The following MTAP variants were observed in gnomAD, a reference collection of about 807,000 sequenced individuals.
The protein encoded by MTAP is S-methyl-5'-thioadenosine phosphorylase.
A neutral mutation model predicts 33.6 loss-of-function variants in MTAP; 33 were observed. That is an observed-to-expected ratio of 0.98 (90% CI 0.74 to 1.31). The LOEUF is 1.31. MTAP is among the 40% of genes most tolerant of loss of function. The probability of loss-of-function intolerance (pLI) is 0.00; values close to 1 mark genes in which losing one functional copy is unlikely to be tolerated. For missense variants in MTAP, 367 were observed against 360.0 expected (o/e 1.02, Z -0.16); for synonymous variants, 148 against 125.7 (o/e 1.18, Z -1.19).
chr9:21,841,410 G>T (rs534933780), intron 5 of MTAP, among the ~76,000 whole-genome samples: 1 of 152,324 alleles, frequency 6.6e-6, no homozygotes, highest in South Asian at 2.1e-4. Flanking sequence ...CAACATCCTG[G>T]CTAACCAGAG....
At chr9:21,870,843 G>A (rs1825925031), downstream of MTAP, among the ~76,000 whole-genome samples, 1 of 145,364 alleles carries the variant, frequency 6.9e-6, no homozygotes, top group Admixed American at 7.2e-5. Flanking sequence ...GCATGATCTC[G>A]GCTCACTGCA....
downstream of MTAP, chr9:21,935,507 G>A (rs571110665): frequency 6.6e-6 from 1 of 151,742 alleles, no homozygotes; most frequent in Admixed American, 6.6e-5. Context: ...ATAAATTCCA[G>A]GAGCATGAAC....
intron 1 of MTAP, chr9:21,803,500 ATTTCCTTGTGCCCTAGGCCCTG>A (rs1824123320): frequency 6.6e-6 from 1 of 152,218 alleles, no homozygotes; most frequent in Admixed American, 6.5e-5. Context: ...TTAGAGTTCA[ATTTCCTTGTGCCCTAGGCCCTG>A]AGAGGCCTTG....
intron 4 of MTAP, among the ~76,000 whole-genome samples, chr9:21,828,804 C>T (rs1386816592): frequency 6.6e-6 from 1 of 152,056 alleles, no homozygotes; most frequent in Non-Finnish European, 1.5e-5. Flanking sequence ...TTAATTTTAC[C>T]TGTTTCTCTT....
downstream of MTAP, chr9:21,934,756 A>G (rs1819016573): frequency 1.3e-5 from 2 of 151,404 alleles, no homozygotes; most frequent in East Asian, 3.9e-4. The surrounding 1 kb of genome is among the most constrained non-coding windows in gnomAD (Gnocchi z 5.0). Context: ...GCTGGAATGC[A>G]GTGGCACAAT....
chr9:21,916,102 A>AGGAAGGAAGGAAGGAAGGAAGGAGGGAG, intron 1 of MTAP, among the ~76,000 whole-genome samples: 1 of 149,420 alleles, frequency 6.7e-6, no homozygotes, highest in Non-Finnish European at 1.5e-5. Flanking sequence ...GAAGGAAGGA[A>AGGAAGGAAGGAAGGAAGGAAGGAGGGAG]GGAAGGAAGG....
intron 4 of MTAP, among the ~76,000 whole-genome samples, chr9:21,826,872 T>C (rs574675578): frequency 1.8e-3 from 269 of 151,930 alleles, no homozygotes; most frequent in Non-Finnish European, 3.4e-3. Context: ...CCACCTGAGC[T>C]CCCCATCCTG....
chr9:21,927,336 G>A lies in MTAP; in HGVS notation c.148-3672G>A, dbSNP rs182650151. ...AGGCCCTCAAAATCACAATGGGACA[G>A]TCGGTCAGGCTCCTGACATTCCAAC... is the stretch of plus-strand genomic sequence containing the variant. On this transcript the variant is annotated intron_variant, in intron 1 of 1. Coordinates refer to the MTAP transcript ENST00000577563. 5.3e-4 allele frequency among the ~76,000 whole-genome samples: 81 copies of A among 152,290 alleles called. 1 individual carries two copies. Among genetic ancestry groups the A allele is most frequent in the African/African-American group, 1.8e-3 (75 of 41,562 alleles).
chr9:21,913,486 CCAT>C (rs1346848986), intron 1 of MTAP, among the ~76,000 whole-genome samples: 8 of 151,572 alleles, frequency 5.3e-5, no homozygotes, highest in African/African-American at 1.7e-4. Flanking sequence ...ACATCTACAA[CCAT>C]CTGATCTTTG....
Position 21,862,856 on chromosome 9 carries a change from TC to T in MTAP, c.*843del. The stretch of plus-strand genomic sequence containing the variant: ...AGGGATACTGGGATAATTTTTATTT[TC>T]TTTGAATCTTTCTGTGTCTTCACAT... On this transcript the variant is annotated 3_prime_UTR_variant, in exon 8 of 8. Transcript: ENST00000644715. 1 of 726,814 alleles carries T rather than the reference TC, an allele frequency of 1.4e-6. No individual in the cohort carries two copies. Among genetic ancestry groups the T allele is most frequent in the Non-Finnish European group, 1.7e-6 (1 of 595,386 alleles). The allele number at this position is 726,814 out of a possible 1,614,324, so 45.0% of individuals were successfully genotyped here.
intron 1 of MTAP, among the ~76,000 whole-genome samples, chr9:21,804,320 G>A (rs553865282): frequency 6.6e-6 from 1 of 152,328 alleles, no homozygotes; most frequent in Non-Finnish European, 1.5e-5. Flanking sequence ...CACTTCAAGC[G>A]CCATTAAAAA....
intron 1 of MTAP, among the ~76,000 whole-genome samples, chr9:21,884,152 T>G (rs1215835619): frequency 6.6e-6 from 1 of 152,154 alleles, no homozygotes; most frequent in East Asian, 1.9e-4. Context: ...CTATTATTAG[T>G]TGTAGACCAT....
At chr9:21,821,632 G>A (rs932307067) in intron 4 of MTAP, among the ~76,000 whole-genome samples, 3 of 152,116 alleles carry the variant, frequency 2.0e-5, no homozygotes, top group African/African-American at 7.2e-5. Context: ...GGATGATGCT[G>A]GCCTCATAAA....
chr9:21,806,916 C>T (rs558509240), intron 1 of MTAP, among the ~76,000 whole-genome samples: 1 of 152,278 alleles, frequency 6.6e-6, no homozygotes, highest in South Asian at 2.1e-4. Context: ...GTAATCCCAA[C>T]ACTTTGGGAG....
Position 21,931,167 on chromosome 9 carries a change from C to T in MTAP, c.307C>T (p.Gln103Ter). Residue 103 changes from glutamine to a stop codon, truncating the protein, a stop_gained, in exon 2 of 2, where the codon CAA becomes TAA. Coordinates refer to the MTAP transcript ENST00000577563. LOFTEE classifies it high-confidence loss of function. ...AGACCTGGCTGGATACTGCTTCCAA[C>T]AACCCATGCAGCCACCCTGCCCTGA... 5.3e-6 allele frequency: 4 copies of T among 748,450 alleles called. No individual in the cohort carries two copies. The South Asian group carries it at 5.6e-5, about 10-fold the overall frequency. The allele number at this position is 748,450 out of a possible 1,614,324, so 46.4% of individuals were successfully genotyped here. A position where few individuals can be genotyped will look rare whatever the true frequency, so the allele number is the denominator to read the frequency against.
chr9:21,936,268 G>A (rs1468192630), exon 8 of MTAP: 4 of 152,174 alleles, frequency 2.6e-5, no homozygotes. Flanking sequence ...AGGGAGTTTT[G>A]TATTTGATGG....
intron 1 of MTAP, among the ~76,000 whole-genome samples, chr9:21,916,851 G>A (rs1818702075): frequency 6.6e-6 from 1 of 152,144 alleles, no homozygotes; most frequent in Non-Finnish European, 1.5e-5. Context: ...AAAAAAATCT[G>A]TTGCTAAAAG....
At chr9:21,893,147 T>G (rs979879877) in intron 1 of MTAP, 6 of 152,136 alleles carry the variant, frequency 3.9e-5, no homozygotes, top group Non-Finnish European at 8.8e-5. Flanking sequence ...AAATGTACAG[T>G]GCTAAATGCT....
intron 1 of MTAP, among the ~76,000 whole-genome samples, chr9:21,910,554 G>A (rs1384362756): frequency 6.6e-6 from 1 of 152,104 alleles, no homozygotes; most frequent in Non-Finnish European, 1.5e-5. Flanking sequence ...TGGCAAGAGG[G>A]CTAGTGTATG....
Sources: gnomAD v4.1 joint callset for allele counts (sites outside exome capture counted in the v4.1 genomes callset) on GRCh38, gnomAD v4.1.1 for gene constraint, Gnocchi (gnomAD v3.1) non-coding constraint, MANE v1.5 for transcripts, NCBI Gene and HGNC (gene_info 2026-07-23, HGNC 2026-07-21) for gene names.